Variants in ZBTB16 observed in about 807,000 individuals in gnomAD.
ZBTB16 encodes zinc finger and BTB domain-containing protein 16.
A neutral mutation model predicts 56.8 loss-of-function variants in ZBTB16; 8 were observed. That is an observed-to-expected ratio of 0.14 (90% CI 0.08 to 0.25). The LOEUF (loss-of-function observed/expected upper bound fraction) is 0.25. Ranked by LOEUF, ZBTB16 falls within the 10% of genes least tolerant of loss-of-function variation. The pLI is 1.00. For missense variants in ZBTB16, 625 were observed against 903.0 expected (o/e 0.69, Z 3.95); for synonymous variants, 363 against 368.5 (o/e 0.98, Z 0.17).
At chr11:114,248,068 T>C (rs1428381346) in intron 6 of ZBTB16, among the ~76,000 whole-genome samples, 1 of 152,178 alleles carries the variant, frequency 6.6e-6, no homozygotes, top group Admixed American at 6.5e-5. Flanking sequence ...CAGCTAATTT[T>C]GTATTTTTTT....
intron 2 of ZBTB16, among the ~76,000 whole-genome samples, chr11:114,090,249 G>A (rs1940135499): frequency 6.6e-6 from 1 of 152,236 alleles, no homozygotes; most frequent in Admixed American, 6.5e-5. Context: ...CTAACGAGGT[G>A]CATTTTCTGT....
chr11:114,175,569 C>T (rs1292744569), intron 3 of ZBTB16, among the ~76,000 whole-genome samples: 1 of 151,996 alleles, frequency 6.6e-6, no homozygotes, highest in Non-Finnish European at 1.5e-5. Flanking sequence ...GATTCTCCTG[C>T]CTCAGCCTCC....
chr11:114,226,196 G>C (rs746184989), intron 4 of ZBTB16, among the ~76,000 whole-genome samples: 1 of 152,174 alleles, frequency 6.6e-6, no homozygotes, highest in Non-Finnish European at 1.5e-5. Flanking sequence ...GTGAGTAACT[G>C]AGTGAGGGGT....
chr11:114,179,614 C>T (rs1411575208), intron 3 of ZBTB16, among the ~76,000 whole-genome samples: 1 of 152,170 alleles, frequency 6.6e-6, no homozygotes, highest in Non-Finnish European at 1.5e-5. Context: ...CACCACTCAA[C>T]ATTAGATGCT....
intron 2 of ZBTB16, among the ~76,000 whole-genome samples, chr11:114,086,688 T>TA (rs1303892617): frequency 2.0e-5 from 3 of 152,174 alleles, no homozygotes; most frequent in Admixed American, 2.0e-4. Flanking sequence ...AGGTGAATCC[T>TA]ATTAAAAGGA....
At chr11:114,197,162 A>G (rs1246078609) in intron 4 of ZBTB16, among the ~76,000 whole-genome samples, 1 of 152,230 alleles carries the variant, frequency 6.6e-6, no homozygotes, top group Non-Finnish European at 1.5e-5. Context: ...TTACTGGCCT[A>G]GAAAAGGTTG....
At chr11:114,165,367 G>A (rs986372895) in intron 3 of ZBTB16, among the ~76,000 whole-genome samples, 4 of 152,330 alleles carry the variant, frequency 2.6e-5, no homozygotes, top group South Asian at 4.1e-4. Flanking sequence ...AAGTAGTTTA[G>A]CAGGGTTAGG....
In ZBTB16 at chr11:114,250,307, C is replaced by T; in HGVS notation, c.1793-19C>T. ...TCTGTCTGTCCTCACTTTCTCCTGC[C>T]CTGTCCCTCCGCCCTCAGGTGAGAA... On this transcript the variant is annotated intron_variant, in intron 6 of 6. Transcript: ENST00000335953. The surrounding 1 kb of genome is among the most constrained non-coding windows in gnomAD (Gnocchi z 6.0). The T allele has an allele frequency of 1.0e-5, 16 of 1,607,910 alleles. No individual in the cohort carries two copies. Among genetic ancestry groups the T allele is most frequent in the Non-Finnish European group, 1.4e-5 (16 of 1,179,680 alleles).
At chr11:114,159,958 T>G (rs1942539721) in intron 3 of ZBTB16, among the ~76,000 whole-genome samples, 1 of 146,168 alleles carries the variant, frequency 6.8e-6, no homozygotes, top group African/African-American at 2.6e-5. Context: ...CGAGCATTTT[T>G]TTTCAAAAGG....
At chr11:114,239,964 G>T (rs1944668898) in intron 4 of ZBTB16, among the ~76,000 whole-genome samples, 1 of 152,190 alleles carries the variant, frequency 6.6e-6, no homozygotes, top group African/African-American at 2.4e-5. Flanking sequence ...GTAAAAAGGG[G>T]GATAAGAATG....
In ZBTB16 at chr11:114,116,670, G is replaced by A. The variant is rs183360827; in HGVS notation, c.1269-39667G>A. ...GAGAAGTAATGGTGAGGCGTAATGC[G>A]TTCCTAGCTCTTAATTTGGGGTTAG... is the stretch of plus-strand genomic sequence containing the variant. On this transcript the variant is annotated intron_variant, in intron 2 of 6. Coordinates refer to ENST00000335953, the MANE Select transcript of ZBTB16 (RefSeq NM_006006.6). Among the ~76,000 whole-genome samples the A allele has an allele frequency of 2.0e-4, 30 of 152,280 alleles. 1 individual carries two copies. The East Asian group carries it at 4.4e-3, about 23-fold the overall frequency.
chr11:114,253,617 G>A lies in ZBTB16; in HGVS notation c.*3062G>A, dbSNP rs925937357. On this transcript the variant is annotated 3_prime_UTR_variant, in exon 7 of 7. Transcript: ENST00000335953. ...ACCCCAGTAGGGAGGTATGGGGAGA[G>A]CTCAGGGGAGTGTGGTTTCTGAGGG... Among the ~76,000 whole-genome samples, 1 of 152,348 alleles carries A rather than the reference G, an allele frequency of 6.6e-6. No individual in the cohort carries two copies. Among genetic ancestry groups the A allele is most frequent in the East Asian group, 1.9e-4 (1 of 5,180 alleles).
At chr11:114,156,211 G>A (rs17116543) in intron 2 of ZBTB16, 126 bp from the exon 3 acceptor site, 44,623 of 862,582 alleles carry the variant, frequency 0.052, 2,985 homozygotes, top group African/African-American at 0.26. Context: ...GTTTCCATCG[G>A]TGCCCTCCTG....
intron 3 of ZBTB16, among the ~76,000 whole-genome samples, chr11:114,183,084 C>T (rs1315790881): frequency 6.6e-6 from 1 of 150,594 alleles, no homozygotes; most frequent in East Asian, 1.9e-4. Context: ...CCTGTCTTTG[C>T]TCTCACCCTG....
rs1042392116 is a variant in ZBTB16, at chr11:114,163,717, CAT to C, written c.1366+7284_1366+7285del. On this transcript the variant is annotated intron_variant, in intron 3 of 6. Transcript: ENST00000335953. ...TCACATGTCCCTGCCCCCAAATACA[CAT>C]GTCTCTGTCTCCATATGGTGCCTTA... Among the ~76,000 whole-genome samples the C allele has an allele frequency of 1.3e-3, 196 of 152,328 alleles. 1 individual carries two copies. Among genetic ancestry groups the C allele is most frequent in the African/African-American group, 4.4e-3 (181 of 41,584 alleles).
At chr11:114,230,272 C>T (rs1448434135) in intron 4 of ZBTB16, among the ~76,000 whole-genome samples, 8 of 152,274 alleles carry the variant, frequency 5.3e-5, no homozygotes, top group East Asian at 1.9e-4. Context: ...ATGAAACAAA[C>T]GCAAGGAGCC....
chr11:114,129,996 T>G (rs1941618945), intron 2 of ZBTB16, among the ~76,000 whole-genome samples: 1 of 152,276 alleles, frequency 6.6e-6, no homozygotes, highest in Admixed American at 6.5e-5. Flanking sequence ...TCATATTGAT[T>G]TCCTTGGACG....
chr11:114,109,558 G>A (rs151330932), intron 2 of ZBTB16, among the ~76,000 whole-genome samples: 3 of 152,282 alleles, frequency 2.0e-5, no homozygotes, highest in East Asian at 1.9e-4. Context: ...TCAGGAATGT[G>A]TTCCCGCAGG....
At chr11:114,155,973 G>C (rs191431726) in intron 2 of ZBTB16, among the ~76,000 whole-genome samples, 2 of 152,326 alleles carry the variant, frequency 1.3e-5, no homozygotes, top group Non-Finnish European at 2.9e-5. Flanking sequence ...GAGGTGAGCA[G>C]AGGCTGTGGG....
Sources: gnomAD v4.1 joint callset for allele counts (sites outside exome capture counted in the v4.1 genomes callset) on GRCh38, gnomAD v4.1.1 for gene constraint, Gnocchi (gnomAD v3.1) non-coding constraint, MANE v1.5 for transcripts, NCBI Gene and HGNC (gene_info 2026-07-23, HGNC 2026-07-21) for gene names.